ELOVL7: variants seen among roughly 807,000 people sequenced by gnomAD.
The protein encoded by ELOVL7 is very long chain fatty acid elongase 7.
ELOVL7 carries 27 observed loss-of-function variants against 35.7 expected under a neutral mutation model. The ratio of observed to expected loss-of-function variants is 0.76; its 90% CI spans 0.56 to 1.04. The LOEUF (loss-of-function observed/expected upper bound fraction) is 1.04, where lower values mean the gene tolerates loss of function less well. ELOVL7 is among the 50% of genes least tolerant of loss of function. The pLI, the probability that ELOVL7 is intolerant of heterozygous loss-of-function variation, is 0.00. For missense variants in ELOVL7, 327 were observed against 340.8 expected, an observed-to-expected ratio of 0.96 and a Z score of 0.32; for synonymous variants, 113 against 114.6, an observed-to-expected ratio of 0.99 and a Z score of 0.09.
chr5:60,782,755 T>C (rs894001991), intron 3 of ELOVL7, among the ~76,000 whole-genome samples: 4 of 152,162 alleles, frequency 2.6e-5, no homozygotes, highest in African/African-American at 4.8e-5. Context: ...ATCATATTTA[T>C]ATAAGAAGAG....
chr5:60,759,377 G>A (rs1446486081), intron 7 of ELOVL7, among the ~76,000 whole-genome samples: 1 of 152,102 alleles, frequency 6.6e-6, no homozygotes, highest in Non-Finnish European at 1.5e-5. Flanking sequence ...ACATTATTGT[G>A]GTATAAGAAC....
intron 1 of ELOVL7, among the ~76,000 whole-genome samples, chr5:60,821,677 G>A (rs1745897804): frequency 1.3e-5 from 2 of 152,192 alleles, no homozygotes; most frequent in Admixed American, 6.5e-5. Context: ...AAACACTCTA[G>A]GACAGTGGCC....
chr5:60,823,355 C>T (rs1745994788), intron 1 of ELOVL7, among the ~76,000 whole-genome samples: 1 of 152,138 alleles, frequency 6.6e-6, no homozygotes, highest in South Asian at 2.1e-4. Context: ...GCCCTTCCTA[C>T]ATGCGCCCAT....
chr5:60,772,380 A>G (rs1742651751), intron 3 of ELOVL7, among the ~76,000 whole-genome samples: 1 of 152,122 alleles, frequency 6.6e-6, no homozygotes, highest in Admixed American at 6.5e-5. Context: ...CTCTTTCCCC[A>G]TGTAAGGATA....
At chr5:60,822,075 C>T (rs1745922245) in intron 1 of ELOVL7, among the ~76,000 whole-genome samples, 1 of 152,144 alleles carries the variant, frequency 6.6e-6, no homozygotes, top group Non-Finnish European at 1.5e-5. Flanking sequence ...TGCAACAATG[C>T]AAATGTCTAA....
intron 2 of ELOVL7, among the ~76,000 whole-genome samples, chr5:60,795,929 G>A (rs1283803454): frequency 6.6e-6 from 1 of 151,922 alleles, no homozygotes; most frequent in African/African-American, 2.4e-5. Flanking sequence ...GAGAACAAAA[G>A]GCTTGCCGCC....
At chr5:60,780,900 T>C (rs1207445516) in intron 3 of ELOVL7, among the ~76,000 whole-genome samples, 1 of 151,996 alleles carries the variant, frequency 6.6e-6, no homozygotes, top group African/African-American at 2.4e-5. Flanking sequence ...TTATTGCTAA[T>C]GAAATAAAAA....
At position 60,807,060 on chromosome 5, in the gene ELOVL7, A is replaced by T. The variant is rs574157538; in HGVS notation, c.-85-7830T>A. Among the ~76,000 whole-genome samples, 9 of 152,322 alleles carry T rather than the reference A, an allele frequency of 5.9e-5. No homozygotes were observed. The South Asian group carries it at 1.7e-3, about 28-fold the overall frequency. The stretch of plus-strand genomic sequence containing the variant: ...AACACGGCAGGGTTCCTAACCCAAC[A>T]TGGCCTCTTCCCCCAGCTGCACTGG... On this transcript the variant is annotated intron_variant, in intron 1 of 8. Transcript: ENST00000508821.
At chr5:60,814,340 CAA>C (rs776515668) in intron 1 of ELOVL7, among the ~76,000 whole-genome samples, 4 of 152,056 alleles carry the variant, frequency 2.6e-5, no homozygotes, top group Non-Finnish European at 4.4e-5. Flanking sequence ...GAGTATTGCT[CAA>C]AAGTCAAAGA....
intron 1 of ELOVL7, among the ~76,000 whole-genome samples, chr5:60,829,528 A>C (rs1046376337): frequency 1.3e-5 from 2 of 152,210 alleles, no homozygotes; most frequent in Non-Finnish European, 2.9e-5. Flanking sequence ...TTTTATATTT[A>C]CCATGAAAAA....
At chr5:60,816,396 A>G (rs1452810216) in intron 1 of ELOVL7, among the ~76,000 whole-genome samples, 1 of 148,456 alleles carries the variant, frequency 6.7e-6, no homozygotes, top group African/African-American at 2.5e-5. Flanking sequence ...AAAAAAAAAG[A>G]GTATAGGGAG....
At position 60,837,436 on chromosome 5, in the gene ELOVL7, GAC is replaced by G. The variant is rs757626535; in HGVS notation, c.-86+6722_-86+6723del. ...CACAACATTGCACTTCAAACTGGGTGACACAGTGAGACTCCACCTCAAAAAAA... is the reference window on the plus strand; with the variant it reads ...CACAACATTGCACTTCAAACTGGGTGACAGTGAGACTCCACCTCAAAAAAA... On this transcript the variant is annotated intron_variant, in intron 1 of 8. Transcript: ENST00000508821. 3.2e-3 allele frequency among the ~76,000 whole-genome samples: 489 copies of G among 151,766 alleles called. 2 individuals carry two copies. The highest frequency in any genetic ancestry group is 5.5e-3 in the Non-Finnish European group (376 of 67,910).
chr5:60,760,559 G>T (rs921516527), intron 7 of ELOVL7, among the ~76,000 whole-genome samples: 10 of 152,166 alleles, frequency 6.6e-5, no homozygotes, highest in Non-Finnish European at 1.5e-4. Flanking sequence ...AGATGGGTAG[G>T]TTGTGAATAT....
intron 1 of ELOVL7, among the ~76,000 whole-genome samples, chr5:60,819,741 G>A (rs889280939): frequency 8.5e-5 from 13 of 152,120 alleles, no homozygotes; most frequent in Admixed American, 7.9e-4. Context: ...AGCCAAGATC[G>A]AGCCACCGCA....
chr5:60,771,987 T>G lies in ELOVL7; in HGVS notation c.171A>C (p.Glu57Asp). The change falls in exon 4 of 9, where the codon GAA (glutamate) becomes GAC (aspartate). Residue 57 changes from glutamate to aspartate, a missense_variant. Coordinates refer to ENST00000508821, the MANE Select transcript of ELOVL7 (RefSeq NM_024930.3). ...TCTTGAGTTCAAAGGGCTTGCGATT[T>G]TCCATGAGCTTTGGTCCCAAGGAAG... Reference protein sequence around the residue: ...FVTSLGPKLMENRKPFELKKA... With the variant: ...FVTSLGPKLMDNRKPFELKKA... 1 of 1,614,028 alleles carries G rather than the reference T, an allele frequency of 6.2e-7. No homozygotes were observed. Among genetic ancestry groups the G allele is most frequent in the Admixed American group, 1.7e-5 (1 of 60,014 alleles).
At chr5:60,799,502 A>G (rs1744463932) in intron 1 of ELOVL7, among the ~76,000 whole-genome samples, 2 of 152,352 alleles carry the variant, frequency 1.3e-5, no homozygotes, top group African/African-American at 4.8e-5. Context: ...AGACATTGCA[A>G]CTGAGACCAC....
chr5:60,757,756 T>C (rs971226899), intron 7 of ELOVL7, 111 bp from the exon 8 acceptor site: 7 of 883,964 alleles, frequency 7.9e-6, no homozygotes, highest in South Asian at 5.6e-5. Flanking sequence ...GAAAAAAATA[T>C]ATAAAATATC....
In ELOVL7 at chr5:60,818,331, A is replaced by AAG. The variant is rs1419015892; in HGVS notation, c.-85-19102_-85-19101insCT. On this transcript the variant is annotated intron_variant, in intron 1 of 8. Transcript: ENST00000508821. Reference sequence around the variant, plus strand: ...AGGTTCCATCTCAGAAAAAAAAAAAAAAAAAAAAAAAAGTTATTAAAAGAA... The same window carrying AAG: ...AGGTTCCATCTCAGAAAAAAAAAAAAAGAAAAAAAAAAAAGTTATTAAAAGAA... Among the ~76,000 whole-genome samples, 24 of 151,412 alleles carry AAG rather than the reference A, an allele frequency of 1.6e-4. 2 individuals are homozygous for AAG. The highest frequency in any genetic ancestry group is 1.4e-3 in the East Asian group (7 of 5,178).
At chr5:60,759,046 T>C (rs1348426744) in intron 7 of ELOVL7, among the ~76,000 whole-genome samples, 2 of 152,170 alleles carry the variant, frequency 1.3e-5, no homozygotes, top group Non-Finnish European at 1.5e-5. Context: ...ACAGTAGAAA[T>C]TGCTTTTAAA....
Sources: allele counts gnomAD v4.1 joint callset (sites outside exome capture counted in the v4.1 genomes callset), GRCh38; gene constraint gnomAD v4.1.1; transcripts MANE v1.5; gene names NCBI Gene and HGNC (gene_info 2026-07-23, HGNC 2026-07-21).